The following CHD4 variants were observed in gnomAD, a reference collection of about 807,000 sequenced individuals.
The protein encoded by CHD4 is ATP-dependent chromatin remodeler CHD4.
In CHD4, 35 loss-of-function variants were observed where a neutral mutation model predicts 235.5. The ratio of observed to expected loss-of-function variants is 0.15; its 90% CI spans 0.11 to 0.20. The LOEUF (loss-of-function observed/expected upper bound fraction) is 0.20. Ranked by LOEUF, CHD4 falls within the 10% of genes least tolerant of loss-of-function variation. The probability of loss-of-function intolerance (pLI) is 1.00; values close to 1 mark genes in which losing one functional copy is unlikely to be tolerated. For missense variants in CHD4, 1,329 were observed against 2,432.3 expected (o/e 0.55, Z 9.54); for synonymous variants, 900 against 850.2 (o/e 1.06, Z -1.02).
intron 3 of CHD4, 89 bp downstream of exon 3, chr12:6,602,287 A>G: frequency 6.2e-7 from 1 of 1,601,618 alleles, no homozygotes; most frequent in Non-Finnish European, 8.5e-7. Flanking sequence ...CACTTCTGAG[A>G]AAGAAACAAA....
In CHD4 at chr12:6,594,657, G is replaced by A. The variant is rs1948454927; in HGVS notation, c.2122-7C>T. The A allele has an allele frequency of 6.2e-7, 1 of 1,610,450 alleles. No individual in the cohort carries two copies. Among genetic ancestry groups the A allele is most frequent in the Non-Finnish European group, 8.5e-7 (1 of 1,177,844 alleles). ...GCTCATACTTCACTGTTGGCTGAAG[G>A]ATGAAACAGAGAAGTCAAGAGCTGG... On this transcript the variant is annotated splice_region_variant and splice_polypyrimidine_tract_variant and intron_variant, in intron 14 of 39. Transcript: ENST00000544040.
chr12:6,605,989 A>T (rs1948688540), intron 2 of CHD4, among the ~76,000 whole-genome samples: 1 of 152,170 alleles, frequency 6.6e-6, no homozygotes, highest in Admixed American at 6.5e-5. Flanking sequence ...GAGGACCCAC[A>T]TACCAGGTAA....
intron 12 of CHD4, among the ~76,000 whole-genome samples, chr12:6,596,656 C>T (rs755422385): frequency 2.1e-4 from 32 of 152,110 alleles, no homozygotes; most frequent in African/African-American, 7.5e-4. Flanking sequence ...AAAAATTAGC[C>T]GGGCATGGTG....
chr12:6,581,105 C>T lies in CHD4; in HGVS notation c.4848G>A (p.Glu1616=). 1 of 1,614,178 alleles carries T rather than the reference C, an allele frequency of 6.2e-7. No homozygotes were observed. Residue 1616 remains glutamate, a synonymous_variant, in exon 33 of 40, where the codon GAG becomes GAA. Transcript: ENST00000544040. ...CCTTCACCTCTGCCTTTTCCACTTT[C>T]TCCTCTCCCTCAGGGGGTTCAACAA... ...KVVVEPPEGE[E]KVEKAEVKER...
At chr12:6,582,044 C>G in intron 30 of CHD4, 93 bp downstream of exon 30, 1 of 1,358,510 alleles carries the variant, frequency 7.4e-7, no homozygotes, top group South Asian at 1.6e-5. Flanking sequence ...CTCAAGTGAT[C>G]CACCCGCCTC....
chr12:6,594,630 T>C lies in CHD4; in HGVS notation c.2142A>G (p.Arg714=). Residue 714 remains arginine, a synonymous_variant, in exon 15 of 40, where the codon CGA becomes CGG. Coordinates refer to ENST00000544040, the MANE Select transcript of CHD4 (RefSeq NM_001273.5). The part of the protein sequence containing the change: ...PTVDPTVKYE[R]QPEYLDATGG... ...CTGTAGCATCCAGGTACTCTGGCTGTCGCTCATACTTCACTGTTGGCTGAA... is the reference window on the plus strand; with the variant it reads ...CTGTAGCATCCAGGTACTCTGGCTGCCGCTCATACTTCACTGTTGGCTGAA... 6.2e-7 allele frequency: 1 copy of C among 1,613,460 alleles called. No homozygotes were observed. Among genetic ancestry groups the C allele is most frequent in the Non-Finnish European group, 8.5e-7 (1 of 1,179,700 alleles).
chr12:6,572,576 G>A (rs989267979), intron 38 of CHD4, among the ~76,000 whole-genome samples: 9 of 151,856 alleles, frequency 5.9e-5, no homozygotes, highest in South Asian at 2.1e-4. Flanking sequence ...TTTTTTTCTG[G>A]AGTCTCACTA....
chr12:6,599,744 T>G (rs777629271), intron 10 of CHD4, 29 bp downstream of exon 10: 1 of 1,613,566 alleles, frequency 6.2e-7, no homozygotes, highest in Non-Finnish European at 8.5e-7. Context: ...CTTTCCCATT[T>G]TTTGCCCCGG....
intron 39 of CHD4, 46 bp from the exon 40 acceptor site, chr12:6,570,739 C>G: frequency 6.2e-7 from 1 of 1,613,834 alleles, no homozygotes. Context: ...TGATAGGAAT[C>G]CACCCAATCT....
chr12:6,603,845 C>A lies in CHD4; in HGVS notation c.101-1348G>T, dbSNP rs564751732. Among the ~76,000 whole-genome samples the A allele has an allele frequency of 2.6e-5, 4 of 152,200 alleles. No homozygotes were observed. The South Asian group carries it at 8.3e-4, about 32-fold the overall frequency. On this transcript the variant is annotated intron_variant, in intron 2 of 39. Coordinates refer to ENST00000544040, the MANE Select transcript of CHD4 (RefSeq NM_001273.5). ...AACCTTCTCCCCAAATTTCTGATAC[C>A]CAAAAGATTTAGTTTGAGGAATGGA...
Position 6,604,073 on chromosome 12 carries a change from G to A in CHD4, c.101-1576C>T, listed in dbSNP as rs374510124. 9.2e-5 allele frequency among the ~76,000 whole-genome samples: 14 copies of A among 152,206 alleles called. No individual in the cohort carries two copies. The East Asian group carries it at 1.5e-3, about 17-fold the overall frequency. ...CGGGCAGATCATTTGAGGTCAGTTC[G>A]AAACCAGCTTGGCCAACATGGTGAA... On this transcript the variant is annotated intron_variant, in intron 2 of 39. Transcript: ENST00000544040.
intron 2 of CHD4, among the ~76,000 whole-genome samples, chr12:6,605,765 C>T: frequency 6.6e-6 from 1 of 152,208 alleles, no homozygotes; most frequent in East Asian, 1.9e-4. Flanking sequence ...TCAAACTTCA[C>T]ACAGTTCAGA....
At chr12:6,573,030 TCAGGGAGGCCGAATCGG>T in intron 38 of CHD4, 27 bp downstream of exon 38, 4 of 1,564,924 alleles carry the variant, frequency 2.6e-6, no homozygotes, top group Non-Finnish European at 3.5e-6. Context: ...TGCAGTCAGA[TCAGGGAGGCCGAATCGG>T]CAGGAGGCAG....
intron 37 of CHD4, among the ~76,000 whole-genome samples, chr12:6,576,143 G>C (rs1328967315): frequency 6.6e-6 from 1 of 151,966 alleles, no homozygotes; most frequent in Non-Finnish European, 1.5e-5. Flanking sequence ...CAGAACATGA[G>C]GTCAAGAGAT....
At position 6,578,037 on chromosome 12, in the gene CHD4, G is replaced by C; in HGVS notation, c.5220C>G (p.Gly1740=). The C allele has an allele frequency of 1.2e-6, 2 of 1,612,460 alleles. No homozygotes were observed. Among genetic ancestry groups the C allele is most frequent in the Non-Finnish European group, 1.7e-6 (2 of 1,179,990 alleles). Residue 1740 remains glycine, a synonymous_variant, in exon 36 of 40, where the codon GGC becomes GGG. Coordinates refer to ENST00000544040, the MANE Select transcript of CHD4 (RefSeq NM_001273.5). ...HRRHDYWLLA[G]IINHGYARWQ... is the part of the protein sequence containing the mutation. Reference sequence around the variant, plus strand: ...ATTCAGGCAAAGGATACTTTATAATGCCGGCTAGCAGCCAGTAGTCATGCC... The same window carrying C: ...ATTCAGGCAAAGGATACTTTATAATCCCGGCTAGCAGCCAGTAGTCATGCC...
Position 6,599,995 on chromosome 12 carries a change from C to A in CHD4, c.1260G>T (p.Gln420His). The A allele has an allele frequency of 6.2e-7, 1 of 1,614,216 alleles. No individual in the cohort carries two copies. Among genetic ancestry groups the A allele is most frequent in the Non-Finnish European group, 8.5e-7 (1 of 1,180,038 alleles). Residue 420 changes from glutamine to histidine, a missense_variant, in exon 10 of 40, where the codon CAG (glutamine) becomes CAT (histidine). Physicochemically the swap from Gln to His is conservative, Grantham distance 24. This residue lies in a region of CHD4 where 37 missense variants were observed against 49.9 expected (regional missense o/e 0.74). Transcript: ENST00000544040. ...CCGAATTGTCCTCTTTAGCTTCCCA[C>A]TGGATGCCTTCCTTCTCCTGCAGTA... ...SCPHCEKEGIQWEAKEDNSEG... is the reference protein window; with the variant it reads ...SCPHCEKEGIHWEAKEDNSEG...
At chr12:6,576,305 A>T in intron 37 of CHD4, among the ~76,000 whole-genome samples, 1 of 152,018 alleles carries the variant, frequency 6.6e-6, no homozygotes, top group East Asian at 1.9e-4. Context: ...TGCAGTGAGC[A>T]GAGATCTTGC....
At chr12:6,578,623 C>T in intron 34 of CHD4, 77 bp from the exon 35 acceptor site, 1 of 1,594,808 alleles carries the variant, frequency 6.3e-7, no homozygotes, top group South Asian at 1.1e-5. Context: ...ACACTGTATG[C>T]TACAAGAATC....
intron 37 of CHD4, 127 bp downstream of exon 37, chr12:6,577,658 A>G: frequency 3.1e-6 from 4 of 1,290,182 alleles, no homozygotes; most frequent in Non-Finnish European, 3.2e-6. Context: ...GTTACTTGGG[A>G]GCAAAGCCTT....
Sources: gnomAD v4.1 joint callset for allele counts (sites outside exome capture counted in the v4.1 genomes callset) on GRCh38, gnomAD v4.1.1 for gene constraint, gnomAD v4.1.1 regional missense constraint, MANE v1.5 for transcripts, NCBI Gene and HGNC (gene_info 2026-07-23, HGNC 2026-07-21) for gene names.